C11orf54: variants seen among roughly 807,000 people sequenced by gnomAD.
C11orf54 encodes the protein beta-keto L-gulonate decarboxylase.
A neutral mutation model predicts 35.5 loss-of-function variants in C11orf54; 29 were observed. That is an observed-to-expected ratio of 0.82 (90% CI 0.61 to 1.11). The LOEUF (loss-of-function observed/expected upper bound fraction) is 1.11. Among genes scored for constraint, C11orf54 ranks in the 50% most tolerant of loss-of-function variants. C11orf54 has a pLI of 0.00. For synonymous variants in C11orf54, 108 were observed against 121.1 expected (o/e 0.89, Z 0.71); for missense variants, 373 against 369.2 (o/e 1.01, Z -0.08).
chr11:93,745,571 T>C (rs1186009170), intron 1 of C11orf54, among the ~76,000 whole-genome samples: 1 of 152,228 alleles, frequency 6.6e-6, no homozygotes, highest in Non-Finnish European at 1.5e-5. Flanking sequence ...ACAATTTTTC[T>C]TTGTGCAGAT....
intron 5 of C11orf54, 141 bp downstream of exon 5, chr11:93,754,178 C>A: frequency 1.4e-6 from 1 of 691,874 alleles, no homozygotes; most frequent in South Asian, 1.9e-5. Context: ...TAGATTTCTG[C>A]TATAGCACAC....
chr11:93,754,140 C>A, intron 5 of C11orf54, 103 bp downstream of exon 5: 2 of 972,556 alleles, frequency 2.1e-6, no homozygotes, highest in African/African-American at 1.6e-5. Context: ...AATTGTAAAT[C>A]TCTCTGCAGG....
At chr11:93,755,500 G>A (rs1482880885) in intron 6 of C11orf54, 114 bp downstream of exon 6, 1 of 1,196,906 alleles carries the variant, frequency 8.4e-7, no homozygotes, top group African/African-American at 1.5e-5. Context: ...CCCACTTTGG[G>A]AGGCCAAGCT....
At position 93,755,312 on chromosome 11, in the gene C11orf54, T is replaced by A; in HGVS notation, c.433T>A (p.Tyr145Asn). Residue 145 changes from tyrosine to asparagine, a missense_variant, in exon 6 of 9, where the codon TAC becomes AAC. Coordinates refer to ENST00000354421, the MANE Select transcript of C11orf54 (RefSeq NM_001286069.2). ...AGATGGAGGGTGCCTACTGGAGAAA[T>A]ACAGTGAGAAATGTCATGATTTTCA... ...PADGGCLLEK[Y>N]SEKCHDFQCA... 1.2e-6 allele frequency: 2 copies of A among 1,614,158 alleles called. No homozygotes were observed. The highest frequency in any genetic ancestry group is 1.7e-6 in the Non-Finnish European group (2 of 1,180,022).
chr11:93,761,116 G>A (rs1049404264), intron 8 of C11orf54, among the ~76,000 whole-genome samples: 8 of 152,114 alleles, frequency 5.3e-5, no homozygotes, highest in Non-Finnish European at 1.2e-4. Flanking sequence ...AGTTACATAC[G>A]CAATAGAATA....
chr11:93,754,132 T>C (rs1942999311), intron 5 of C11orf54, 95 bp downstream of exon 5: 1 of 1,037,610 alleles, frequency 9.6e-7, no homozygotes, highest in African/African-American at 1.6e-5. Flanking sequence ...TCTGAGTGAA[T>C]TGTAAATCTC....
At chr11:93,750,477 T>A (rs769570473) in intron 3 of C11orf54, 33 bp downstream of exon 3, 4 of 1,453,760 alleles carry the variant, frequency 2.8e-6, no homozygotes, top group South Asian at 2.3e-5. Flanking sequence ...TTTTGTTTTT[T>A]AGTCATAATC....
intron 3 of C11orf54, among the ~76,000 whole-genome samples, chr11:93,751,133 C>T (rs549363559): frequency 1.3e-5 from 2 of 152,272 alleles, no homozygotes; most frequent in East Asian, 3.9e-4. Context: ...AGGATAAACA[C>T]TCAAAGTGTT....
chr11:93,753,621 A>T, intron 3 of C11orf54, 61 bp from the exon 4 acceptor site: 1 of 1,407,520 alleles, frequency 7.1e-7, no homozygotes, highest in Non-Finnish European at 1.0e-6. Context: ...TTTTATTATT[A>T]AATTAGATGT....
In C11orf54 at chr11:93,757,764, G is replaced by C. The variant is rs1943231116; in HGVS notation, c.657+299G>C. ...GACTGGTGTCGAACTCCTGACCTCA[G>C]CTGATCCACCTGTCTCGGCCTCCCA... On this transcript the variant is annotated intron_variant, in intron 7 of 8. Coordinates refer to ENST00000354421, the MANE Select transcript of C11orf54 (RefSeq NM_001286069.2). Among the ~76,000 whole-genome samples, 3 of 152,126 alleles carry C rather than the reference G, an allele frequency of 2.0e-5. No individual in the cohort carries two copies. In the South Asian group the frequency reaches 6.2e-4, roughly 31 times the overall value.
chr11:93,760,241 G>A (rs982001551), intron 8 of C11orf54, among the ~76,000 whole-genome samples: 6 of 152,010 alleles, frequency 3.9e-5, no homozygotes, highest in African/African-American at 7.3e-5. Flanking sequence ...CACCATGCCC[G>A]GCCATGTGTT....
chr11:93,761,891 A>G lies in C11orf54; in HGVS notation c.*203A>G. 3 of 380,704 alleles carry G rather than the reference A, an allele frequency of 7.9e-6. No homozygotes were observed. Among genetic ancestry groups the G allele is most frequent in the Non-Finnish European group, 9.1e-6 (2 of 219,252 alleles). The allele number at this position is 380,704 out of a possible 1,614,324, so 23.6% of individuals were successfully genotyped here. A position where few individuals can be genotyped will look rare whatever the true frequency, so the allele number is the denominator to read the frequency against. On this transcript the variant is annotated 3_prime_UTR_variant, in exon 9 of 9. Transcript: ENST00000354421. ...TTGAGACCAGCTTGGGCAACATAGC[A>G]AGACCCTGTCTATTTTTTTAAAAAA...
At position 93,757,349 on chromosome 11, in the gene C11orf54, C is replaced by G; in HGVS notation, c.541C>G (p.Pro181Ala). ...IEVKAKRRTGPLNFVTCMRET... is the reference protein window; with the variant it reads ...IEVKAKRRTGALNFVTCMRET... ...GGTGAAAGCCAAAAGAAGAACTGGACCACTTAACTTTGTGACTTGTATGAG... is the reference window on the plus strand; with the variant it reads ...GGTGAAAGCCAAAAGAAGAACTGGAGCACTTAACTTTGTGACTTGTATGAG... The change falls in exon 7 of 9, where the codon CCA (proline) becomes GCA (alanine). Residue 181 changes from proline (P) to alanine (A), a missense_variant. Transcript: ENST00000354421. The G allele has an allele frequency of 6.3e-7, 1 of 1,598,178 alleles. No homozygotes were observed. The highest frequency in any genetic ancestry group is 8.5e-7 in the Non-Finnish European group (1 of 1,179,748).
At chr11:93,755,161 C>T in intron 5 of C11orf54, 49 bp from the exon 6 acceptor site, 1 of 1,538,994 alleles carries the variant, frequency 6.5e-7, no homozygotes, top group Non-Finnish European at 9.0e-7. Context: ...TCAAGATATT[C>T]TCTTTGCAGA....
chr11:93,756,502 AAAAG>A (rs1404749500), intron 6 of C11orf54, among the ~76,000 whole-genome samples: 1 of 151,894 alleles, frequency 6.6e-6, no homozygotes, highest in East Asian at 1.9e-4. Context: ...AAAAAAAAAA[AAAAG>A]ACTACTTAGT....
chr11:93,742,171 A>T (rs1942116090), intron 1 of C11orf54: 1 of 152,566 alleles, frequency 6.6e-6, no homozygotes, highest in African/African-American at 2.4e-5. Flanking sequence ...TGTTTTTCCT[A>T]AGTTTCCTCC....
intron 2 of C11orf54, 98 bp from the exon 3 acceptor site, chr11:93,750,248 T>G: frequency 3.0e-5 from 24 of 794,222 alleles, no homozygotes; most frequent in Non-Finnish European, 4.4e-5. Flanking sequence ...TTATACAAGT[T>G]GAGATTGGGA....
At chr11:93,751,820 CTTTTTTTTT>C (rs35146074) in intron 3 of C11orf54, among the ~76,000 whole-genome samples, 1 of 80,228 alleles carries the variant, frequency 1.2e-5, no homozygotes, top group Admixed American at 1.8e-4. Context: ...AATGGTTAAT[CTTTTTTTTT>C]TTTTTTTTTT....
chr11:93,745,143 T>C (rs1459844305), intron 1 of C11orf54, among the ~76,000 whole-genome samples: 1 of 152,200 alleles, frequency 6.6e-6, no homozygotes. Flanking sequence ...ATAGAACGAA[T>C]AGTCGGCTTT....
Sources: allele counts gnomAD v4.1 joint callset (sites outside exome capture counted in the v4.1 genomes callset), GRCh38; gene constraint gnomAD v4.1.1; transcripts MANE v1.5; gene names NCBI Gene and HGNC (gene_info 2026-07-23, HGNC 2026-07-21).